Variants in PTCRA observed in about 807,000 individuals in gnomAD.
PTCRA encodes the protein pre T-cell antigen receptor alpha.
Under a neutral mutation model 13.4 loss-of-function variants are expected in PTCRA, and 9 were observed. The ratio of observed to expected loss-of-function variants is 0.67; its 90% CI spans 0.41 to 1.18. The LOEUF is 1.18. Ranked by LOEUF, PTCRA falls within the 50% of genes most tolerant of loss-of-function variation. The probability of loss-of-function intolerance (pLI) is 0.01; values close to 1 mark genes in which losing one functional copy is unlikely to be tolerated. For synonymous variants in PTCRA, 153 were observed against 161.9 expected, an observed-to-expected ratio of 0.94 and a Z score of 0.42; for missense variants, 353 against 359.8, an observed-to-expected ratio of 0.98 and a Z score of 0.15.
intron 2 of PTCRA, among the ~76,000 whole-genome samples, chr6:42,923,940 C>T (rs1767307284): frequency 6.6e-6 from 1 of 152,162 alleles, no homozygotes; most frequent in African/African-American, 2.4e-5. Context: ...AACTAAGTGC[C>T]CTGACTTCCA....
chr6:42,924,463 G>T lies in PTCRA; in HGVS notation c.424+190G>T, dbSNP rs1010899900. On this transcript the variant is annotated intron_variant, in intron 3 of 3. Transcript: ENST00000304672. Reference sequence around the variant, plus strand: ...TCAGTCTACCTAGCATAAGATGGGGGTGAATCCTTTGACCCCAGCCTAATT... The same window carrying T: ...TCAGTCTACCTAGCATAAGATGGGGTTGAATCCTTTGACCCCAGCCTAATT... The T allele has an allele frequency of 6.2e-6, 4 of 645,596 alleles. No homozygotes were observed. The Admixed American group carries it at 1.2e-4, about 19-fold the overall frequency. 40.0% of individuals were successfully genotyped at this position (645,596 alleles called of 1,614,324 possible). A position where few individuals can be genotyped will look rare whatever the true frequency, so the allele number is the denominator to read the frequency against.
Position 42,916,076 on chromosome 6 carries a change from G to C in PTCRA, c.7G>C (p.Gly3Arg). MA[G>R]TWLLLLLALG... is the part of the protein sequence containing the mutation. ...GCCTCCTTCCGAGTGGGCCATGGCC[G>C]GTACATGGCTGCTACTTCTCCTGGC... is the stretch of plus-strand genomic sequence containing the variant. The change falls in exon 1 of 4, where the codon GGT becomes CGT. Residue 3 changes from glycine (G) to arginine (R), a missense_variant. Coordinates refer to ENST00000304672, the MANE Select transcript of PTCRA (RefSeq NM_138296.3). 6.2e-7 allele frequency: 1 copy of C among 1,613,894 alleles called. No homozygotes were observed. The highest frequency in any genetic ancestry group is 1.1e-5 in the South Asian group (1 of 91,066).
At chr6:42,920,811 CTTTTT>C (rs544790680) in intron 1 of PTCRA, among the ~76,000 whole-genome samples, 1 of 122,826 alleles carries the variant, frequency 8.1e-6, no homozygotes, top group Non-Finnish European at 1.8e-5. Context: ...CTAAACAAAG[CTTTTT>C]TTTTTTTTTT....
chr6:42,918,480 G>A (rs577612355), intron 1 of PTCRA, among the ~76,000 whole-genome samples: 77 of 152,098 alleles, frequency 5.1e-4, no homozygotes, highest in African/African-American at 1.7e-3. Flanking sequence ...CTTGAACCCC[G>A]GTGGGTGGAG....
At chr6:42,917,526 A>ATAT (rs71547824) in intron 1 of PTCRA, among the ~76,000 whole-genome samples, 26,085 of 131,486 alleles carry the variant, frequency 0.2, 2,744 homozygotes, top group Non-Finnish European at 0.23. Flanking sequence ...CCAGCCCGTT[A>ATAT]TATTATTATT....
At chr6:42,920,570 G>A (rs1204837432) in intron 1 of PTCRA, among the ~76,000 whole-genome samples, 1 of 149,106 alleles carries the variant, frequency 6.7e-6, no homozygotes, top group African/African-American at 2.5e-5. Flanking sequence ...GACTACAGGC[G>A]GCTGCCACCA....
In PTCRA at chr6:42,916,144, C is replaced by T; in HGVS notation, c.58+17C>T. 3 of 1,612,684 alleles carry T rather than the reference C, an allele frequency of 1.9e-6. No individual in the cohort carries two copies. The highest frequency in any genetic ancestry group is 2.5e-6 in the Non-Finnish European group (3 of 1,178,786). On this transcript the variant is annotated intron_variant, in intron 1 of 3. Coordinates refer to ENST00000304672, the MANE Select transcript of PTCRA (RefSeq NM_138296.3). ...TACCCACAGGTGAGCCCCCTCTTTG[C>T]CTTCCTCTCTGTCCCTCCTCAGTCT...
intron 1 of PTCRA, among the ~76,000 whole-genome samples, 183 bp from the exon 2 acceptor site, chr6:42,922,844 G>A (rs961476059): frequency 2.6e-5 from 4 of 152,132 alleles, no homozygotes; most frequent in African/African-American, 9.7e-5. Context: ...ATGGAGGGAA[G>A]GAAGGGTGGC....
rs1031535969 is a variant in PTCRA, at chr6:42,925,295, G to C, written c.459G>C (p.Leu153=). 6.3e-7 allele frequency: 1 copy of C among 1,588,856 alleles called. No individual in the cohort carries two copies. The highest frequency in any genetic ancestry group is 8.5e-7 in the Non-Finnish European group (1 of 1,174,812). The part of the protein sequence containing the change: ...TPGGALWLGV[L]RLLLFKLLLF... Reference sequence around the variant, plus strand: ...GTGGGGCGCTGTGGCTGGGGGTCCTGCGGCTGCTGCTCTTCAAGCTGCTGC... The same window carrying C: ...GTGGGGCGCTGTGGCTGGGGGTCCTCCGGCTGCTGCTCTTCAAGCTGCTGC... Residue 153 remains leucine (L), a synonymous_variant, in exon 4 of 4, where the codon CTG becomes CTC. Coordinates refer to ENST00000304672, the MANE Select transcript of PTCRA (RefSeq NM_138296.3). The surrounding 1 kb of genome is among the most constrained non-coding windows in gnomAD (Gnocchi z 4.4).
At chr6:42,922,693 T>C (rs1367056037) in intron 1 of PTCRA, among the ~76,000 whole-genome samples, 3 of 148,556 alleles carry the variant, frequency 2.0e-5, no homozygotes, top group Non-Finnish European at 3.0e-5. Context: ...TGAGCTGAGA[T>C]CGCGCCACTG....
In PTCRA at chr6:42,925,339, C is replaced by A; in HGVS notation, c.503C>A (p.Thr168Asn). 1 of 1,576,360 alleles carries A rather than the reference C, an allele frequency of 6.3e-7. No individual in the cohort carries two copies. Among genetic ancestry groups the A allele is most frequent in the Admixed American group, 1.8e-5 (1 of 55,814 alleles). ...CTGCTGCTGTTTGACCTGCTCCTGACCTGCAGCTGCCTGTGCGACCCCGCG... is the reference window on the plus strand; with the variant it reads ...CTGCTGCTGTTTGACCTGCTCCTGAACTGCAGCTGCCTGTGCGACCCCGCG... ...FKLLLFDLLL[T>N]CSCLCDPAGP... The change falls in exon 4 of 4, where the codon ACC becomes AAC. Residue 168 changes from threonine (T) to asparagine (N), a missense_variant. Transcript: ENST00000304672. This position sits in a 1 kb window ranked among gnomAD's most constrained non-coding sequence, Gnocchi z 4.4.
intron 1 of PTCRA, among the ~76,000 whole-genome samples, chr6:42,921,772 G>A (rs1007651997): frequency 4.2e-5 from 6 of 143,420 alleles, no homozygotes; most frequent in East Asian, 2.1e-4. Flanking sequence ...GGTGCCTCAC[G>A]CCTGTAATCC....
Position 42,925,542 on chromosome 6 carries a change from G to T in PTCRA, c.706G>T (p.Glu236Ter). The change falls in exon 4 of 4, where the codon GAA becomes TAA. Residue 236 changes from glutamate to a stop codon, truncating the protein, a stop_gained. Coordinates refer to ENST00000304672, the MANE Select transcript of PTCRA (RefSeq NM_138296.3). LOFTEE classifies it low-confidence loss of function (END_TRUNC). The surrounding 1 kb of genome is among the most constrained non-coding windows in gnomAD (Gnocchi z 4.4). Reference protein sequence around the residue: ...GRKPGSPVWGEGSYLSSYPTC... With the variant: ...GRKPGSPVWG ...GAAGCCCGGGAGCCCAGTATGGGGG[G>T]AAGGGTCTTACCTCAGCAGTTACCC... is the stretch of plus-strand genomic sequence containing the variant. 6.3e-7 allele frequency: 1 copy of T among 1,591,526 alleles called. No homozygotes were observed. Among genetic ancestry groups the T allele is most frequent in the Non-Finnish European group, 8.6e-7 (1 of 1,168,080 alleles).
intron 1 of PTCRA, 32 bp downstream of exon 1, chr6:42,916,159 C>T (rs1766868533): frequency 1.9e-6 from 3 of 1,605,264 alleles, no homozygotes; most frequent in Non-Finnish European, 1.7e-6. Context: ...CTCTCTGTCC[C>T]TCCTCAGTCT....
chr6:42,922,750 A>AAAAG (rs970583822), intron 1 of PTCRA, among the ~76,000 whole-genome samples: 4 of 151,060 alleles, frequency 2.6e-5, no homozygotes, highest in Non-Finnish European at 4.4e-5. Flanking sequence ...AAAAAAAAAA[A>AAAAG]AAAGAAAGAA....
intron 1 of PTCRA, among the ~76,000 whole-genome samples, chr6:42,917,526 ATAT>A (rs71547824): frequency 0.027 from 3,537 of 131,666 alleles, 62 homozygotes; most frequent in South Asian, 0.067. Context: ...CCAGCCCGTT[ATAT>A]TATTATTATT....
intron 1 of PTCRA, among the ~76,000 whole-genome samples, chr6:42,918,119 T>C (rs982080362): frequency 2.0e-5 from 3 of 149,474 alleles, no homozygotes; most frequent in Non-Finnish European, 3.0e-5. Context: ...TAGCTGGACA[T>C]GGTGGCAGGT....
chr6:42,921,908 G>A (rs984545638), intron 1 of PTCRA, among the ~76,000 whole-genome samples: 18 of 151,466 alleles, frequency 1.2e-4, no homozygotes, highest in Admixed American at 2.6e-4. Context: ...GCTTGGTGGC[G>A]TGGGAACTTG....
At chr6:42,920,954 G>A (rs1411491000) in intron 1 of PTCRA, among the ~76,000 whole-genome samples, 2 of 150,980 alleles carry the variant, frequency 1.3e-5, no homozygotes, top group African/African-American at 2.4e-5. Flanking sequence ...GCCACCACAC[G>A]CAGCTAATTT....
Sources: allele counts gnomAD v4.1 joint callset (sites outside exome capture counted in the v4.1 genomes callset), GRCh38; gene constraint gnomAD v4.1.1; non-coding constraint Gnocchi (gnomAD v3.1); transcripts MANE v1.5; gene names NCBI Gene and HGNC (gene_info 2026-07-23, HGNC 2026-07-21).